Variants in UBE4B observed in about 807,000 individuals in gnomAD.
UBE4B encodes the protein ubiquitination factor E4B, also known as ubiquitin conjugation factor E4 B.
A neutral mutation model predicts 148.1 loss-of-function variants in UBE4B; 27 were observed. The observed-to-expected ratio is 0.18, with a 90% CI of 0.13 to 0.25. The LOEUF is 0.25. Among genes scored for constraint, UBE4B ranks in the 10% least tolerant of loss-of-function variants. UBE4B has a pLI of 1.00. For synonymous variants in UBE4B, 596 were observed against 619.3 expected (o/e 0.96, Z 0.56); for missense variants, 1,170 against 1,662.4 (o/e 0.70, Z 5.15).
At chr1:10,040,464 T>A (rs755502122) in intron 1 of UBE4B, among the ~76,000 whole-genome samples, 13 of 152,072 alleles carry the variant, frequency 8.5e-5, no homozygotes, top group Non-Finnish European at 2.9e-5. Context: ...TTGCCCAGGC[T>A]GGTCTCAAAC....
intron 16 of UBE4B, among the ~76,000 whole-genome samples, chr1:10,135,735 C>CCA: frequency 9.0e-6 from 1 of 111,248 alleles, no homozygotes; most frequent in Non-Finnish European, 1.8e-5. Context: ...GACTCTGTCT[C>CCA]AAAAAAAAAA....
At chr1:10,157,498 A>C (rs1430702757) in intron 21 of UBE4B, among the ~76,000 whole-genome samples, 1 of 151,232 alleles carries the variant, frequency 6.6e-6, no homozygotes, top group African/African-American at 2.4e-5. Flanking sequence ...ATAATAAAAT[A>C]GTTGGGCACG....
At chr1:10,033,810 G>A (rs1392171133) in intron 1 of UBE4B, 116 bp downstream of exon 1, 2 of 1,147,574 alleles carry the variant, frequency 1.7e-6, no homozygotes, top group Non-Finnish European at 2.3e-6. Context: ...GAACGGAGAT[G>A]ATATTTTCCA....
At chr1:10,038,763 C>T (rs1643644703) in intron 1 of UBE4B, among the ~76,000 whole-genome samples, 1 of 152,170 alleles carries the variant, frequency 6.6e-6, no homozygotes, top group Non-Finnish European at 1.5e-5. Context: ...CTGGTCCTCC[C>T]ACTCCCAATT....
chr1:10,109,721 G>A (rs1300258367), intron 7 of UBE4B, among the ~76,000 whole-genome samples: 2 of 151,876 alleles, frequency 1.3e-5, no homozygotes, highest in African/African-American at 4.8e-5. Flanking sequence ...AGCGATCTCG[G>A]CTCACTGCAA....
intron 2 of UBE4B, among the ~76,000 whole-genome samples, chr1:10,092,470 G>T (rs968035927): frequency 6.6e-6 from 1 of 151,472 alleles, no homozygotes; most frequent in Non-Finnish European, 1.5e-5. Context: ...TGATCCGCCC[G>T]CCTCAGCTCC....
intron 21 of UBE4B, among the ~76,000 whole-genome samples, chr1:10,156,960 G>A (rs1361036206): frequency 2.0e-5 from 3 of 151,694 alleles, no homozygotes; most frequent in Admixed American, 2.0e-4. Flanking sequence ...CTTGAGGCAG[G>A]AATTTGAAAC....
intron 1 of UBE4B, among the ~76,000 whole-genome samples, chr1:10,043,878 C>T (rs1643865276): frequency 6.6e-6 from 1 of 152,090 alleles, no homozygotes; most frequent in Admixed American, 6.6e-5. Context: ...AATTAGTTGC[C>T]ATTTTAAATG....
At chr1:10,110,234 A>ATT (rs1326031099) in intron 7 of UBE4B, among the ~76,000 whole-genome samples, 1 of 152,212 alleles carries the variant, frequency 6.6e-6, no homozygotes, top group African/African-American at 2.4e-5. Flanking sequence ...TGGGACATAC[A>ATT]TTTATATGTT....
chr1:10,121,476 C>T (rs1220698750), intron 9 of UBE4B, among the ~76,000 whole-genome samples: 1 of 152,032 alleles, frequency 6.6e-6, no homozygotes, highest in Non-Finnish European at 1.5e-5. Context: ...TCACTATAAC[C>T]TCAAACTCCT....
intron 7 of UBE4B, among the ~76,000 whole-genome samples, chr1:10,116,643 G>A (rs369445174): frequency 2.6e-4 from 39 of 152,148 alleles, no homozygotes; most frequent in African/African-American, 8.9e-4. Flanking sequence ...TTTGTTTAAT[G>A]TCCTCAAATT....
chr1:10,161,289 G>A lies in UBE4B; in HGVS notation c.3198+3G>A, dbSNP rs1266153543. ...AACAGTGGGACCAGTTGCCCCGGGT[G>A]AGGACGTGGTCCAGAGGCTTGGACA... On this transcript the variant is annotated splice_donor_region_variant and intron_variant, in intron 23 of 27. Transcript: ENST00000343090. This position sits in a 1 kb window ranked among gnomAD's most constrained non-coding sequence, Gnocchi z 4.1. 1.9e-6 allele frequency: 3 copies of A among 1,613,846 alleles called. No individual in the cohort carries two copies. Among genetic ancestry groups the A allele is most frequent in the Non-Finnish European group, 2.5e-6 (3 of 1,179,896 alleles).
chr1:10,126,344 TA>T (rs1369944954), intron 10 of UBE4B, among the ~76,000 whole-genome samples: 2 of 151,506 alleles, frequency 1.3e-5, no homozygotes, highest in African/African-American at 4.9e-5. Flanking sequence ...GATAGATAGA[TA>T]GATAGATAGA....
In UBE4B at chr1:10,106,072, A is replaced by T. The variant is rs944342217; in HGVS notation, c.810-125A>T. ...TTAGATTATAATTATTTAGATGTTT[A>T]TCTGCTAGATATACTTGAACTGAAA... On this transcript the variant is annotated intron_variant, in intron 6 of 27. Transcript: ENST00000343090. The surrounding 1 kb of genome is among the most constrained non-coding windows in gnomAD (Gnocchi z 4.2). 9 of 1,119,530 alleles carry T rather than the reference A, an allele frequency of 8.0e-6. No individual in the cohort carries two copies. The highest frequency in any genetic ancestry group is 1.1e-5 in the Non-Finnish European group (9 of 801,264). The allele number at this position is 1,119,530 out of a possible 1,614,324, so 69.3% of individuals were successfully genotyped here.
intron 2 of UBE4B, among the ~76,000 whole-genome samples, chr1:10,090,692 G>T (rs1644833332): frequency 6.6e-6 from 1 of 152,076 alleles, no homozygotes; most frequent in South Asian, 2.1e-4. Flanking sequence ...TCTGTTGGAA[G>T]AACAGGTATG....
chr1:10,034,486 AAAAC>A (rs1643426448), intron 1 of UBE4B, among the ~76,000 whole-genome samples: 1 of 151,958 alleles, frequency 6.6e-6, no homozygotes, highest in Admixed American at 6.6e-5. Flanking sequence ...TGTAAAAAAA[AAAAC>A]AACCAAAAAG....
At chr1:10,055,096 T>A (rs899209808) in intron 1 of UBE4B, among the ~76,000 whole-genome samples, 3 of 152,150 alleles carry the variant, frequency 2.0e-5, no homozygotes, top group Non-Finnish European at 4.4e-5. Context: ...TGTTTTTACT[T>A]TGAACAGATG....
chr1:10,118,868 CTTTTTTTTTTTT>C (rs35822677), intron 8 of UBE4B, among the ~76,000 whole-genome samples: 994 of 22,940 alleles, frequency 0.043, 7 homozygotes, highest in East Asian at 0.071. Flanking sequence ...CCAGGCTGGT[CTTTTTTTTTTTT>C]TTTTTTTTTT....
intron 2 of UBE4B, among the ~76,000 whole-genome samples, chr1:10,078,031 A>G (rs1169930663): frequency 6.7e-6 from 1 of 150,310 alleles, no homozygotes; most frequent in African/African-American, 2.5e-5. Context: ...TTTTTTTGAG[A>G]CGGAGTCTCT....
Sources: gnomAD v4.1 joint callset for allele counts (sites outside exome capture counted in the v4.1 genomes callset) on GRCh38, gnomAD v4.1.1 for gene constraint, Gnocchi (gnomAD v3.1) non-coding constraint, MANE v1.5 for transcripts, NCBI Gene and HGNC (gene_info 2026-07-23, HGNC 2026-07-21) for gene names.